The following PDLIM3 variants were observed in gnomAD, a reference collection of about 807,000 sequenced individuals.
PDLIM3 encodes the protein PDZ and LIM domain 3.
In PDLIM3, 36 loss-of-function variants were observed where a neutral mutation model predicts 37.3. That is an observed-to-expected ratio of 0.97 (90% CI 0.74 to 1.28). The LOEUF (loss-of-function observed/expected upper bound fraction) is 1.28, where lower values mean the gene tolerates loss of function less well. Ranked by LOEUF, PDLIM3 falls within the 50% of genes most tolerant of loss-of-function variation. PDLIM3 has a pLI of 0.00. For missense variants in PDLIM3, 454 were observed against 485.0 expected (o/e 0.94, Z 0.60); for synonymous variants, 174 against 182.4 (o/e 0.95, Z 0.37).
chr4:185,532,388 G>A (rs1319626969), intron 1 of PDLIM3, among the ~76,000 whole-genome samples: 1 of 152,198 alleles, frequency 6.6e-6, no homozygotes, highest in South Asian at 2.1e-4. Flanking sequence ...GTACAGGCAT[G>A]ACATAAGGAG....
intron 4 of PDLIM3, among the ~76,000 whole-genome samples, chr4:185,509,714 T>A (rs755664636): frequency 1.2e-4 from 19 of 152,218 alleles, no homozygotes; most frequent in Non-Finnish European, 2.6e-4. Context: ...AGAATGGATG[T>A]ATATGGTGTG....
chr4:185,502,712 T>G (rs1419261112), intron 7 of PDLIM3, among the ~76,000 whole-genome samples: 4 of 152,188 alleles, frequency 2.6e-5, no homozygotes, highest in Admixed American at 6.5e-5. Context: ...CGTGTGACTA[T>G]TTTTCAGATT....
At chr4:185,511,362 TTAC>T (rs1035583349) in intron 4 of PDLIM3, among the ~76,000 whole-genome samples, 1 of 91,370 alleles carries the variant, frequency 1.1e-5, no homozygotes, top group Non-Finnish European at 2.2e-5. Context: ...CATGTCCAAC[TTAC>T]TACTTTTTTT....
Position 185,502,291 on chromosome 4 carries a change from G to T in PDLIM3, c.*3C>A. 1 of 1,614,142 alleles carries T rather than the reference G, an allele frequency of 6.2e-7. No homozygotes were observed. ...CGTGCGTGCGTGCCACGCCTGCAGAGACTTAAGCTTTGGGATACAGAGTGA... is the reference window on the plus strand; with the variant it reads ...CGTGCGTGCGTGCCACGCCTGCAGATACTTAAGCTTTGGGATACAGAGTGA... On this transcript the variant is annotated 3_prime_UTR_variant, in exon 8 of 8. Transcript: ENST00000284767.
chr4:185,518,560 T>G (rs2095718204), intron 3 of PDLIM3, among the ~76,000 whole-genome samples: 1 of 152,134 alleles, frequency 6.6e-6, no homozygotes, highest in Non-Finnish European at 1.5e-5. Flanking sequence ...TGATCTTATA[T>G]TTGATCAAGG....
chr4:185,514,693 G>C lies in PDLIM3; in HGVS notation c.331-356C>G. 6.4e-7 allele frequency: 1 copy of C among 1,550,818 alleles called. No individual in the cohort carries two copies. Among genetic ancestry groups the C allele is most frequent in the Non-Finnish European group, 8.7e-7 (1 of 1,146,232 alleles). On this transcript the variant is annotated intron_variant, in intron 3 of 7. Transcript: ENST00000284767. This position sits in a 1 kb window ranked among gnomAD's most constrained non-coding sequence, Gnocchi z 4.0. ...GGTACACTGTGGCCAGAACAGAGCCGGATACTTACTTTTGAGGTGAGCTAG... is the reference window on the plus strand; with the variant it reads ...GGTACACTGTGGCCAGAACAGAGCCCGATACTTACTTTTGAGGTGAGCTAG...
At chr4:185,523,820 G>A (rs2095727569) in intron 2 of PDLIM3, among the ~76,000 whole-genome samples, 1 of 151,726 alleles carries the variant, frequency 6.6e-6, no homozygotes, top group Admixed American at 6.6e-5. Context: ...GGTTTCACCA[G>A]TTGGCCAGGC....
intron 3 of PDLIM3, chr4:185,515,059 C>A (rs1486562233): frequency 3.7e-6 from 2 of 542,212 alleles, no homozygotes; most frequent in East Asian, 5.9e-5. Flanking sequence ...TTTCTCTGAG[C>A]TTTACATGTG....
Position 185,513,306 on chromosome 4 carries a change from C to T in PDLIM3, c.398+964G>A, listed in dbSNP as rs148795449. ...ATTTTGAGACAATCACCTGGCTCTG[C>T]CTGTAGCTTCCTGAAAGGTCTGGAC... On this transcript the variant is annotated intron_variant, in intron 4 of 7. Coordinates refer to ENST00000284767, the MANE Select transcript of PDLIM3 (RefSeq NM_014476.6). 1.7e-4 allele frequency: 169 copies of T among 985,224 alleles called. No homozygotes were observed. The East Asian group carries it at 0.014, about 82-fold the overall frequency. The allele number at this position is 985,224 out of a possible 1,614,324, so 61.0% of individuals were successfully genotyped here. A position where few individuals can be genotyped will look rare whatever the true frequency, so the allele number is the denominator to read the frequency against.
chr4:185,513,067 G>A (rs1458174838), intron 4 of PDLIM3: 4 of 985,154 alleles, frequency 4.1e-6, no homozygotes, highest in African/African-American at 1.8e-5. Flanking sequence ...TTGTCTGTTT[G>A]TAGATGGTCG....
At chr4:185,527,683 T>C (rs528026479) in intron 1 of PDLIM3, among the ~76,000 whole-genome samples, 80 of 152,348 alleles carry the variant, frequency 5.3e-4, no homozygotes, top group African/African-American at 1.9e-3. Context: ...TCTTAAACTT[T>C]TAATTTTCTC....
At position 185,502,094 on chromosome 4, in the gene PDLIM3, G is replaced by T; in HGVS notation, c.*200C>A. On this transcript the variant is annotated 3_prime_UTR_variant, in exon 8 of 8. Transcript: ENST00000284767. ...GCCCCAAAAAGAGTTGCAAAACATAGCTAAGTGTATGTTTTTTTCACATAG... is the reference window on the plus strand; with the variant it reads ...GCCCCAAAAAGAGTTGCAAAACATATCTAAGTGTATGTTTTTTTCACATAG... The T allele has an allele frequency of 1.6e-6, 1 of 627,894 alleles. No individual in the cohort carries two copies. The highest frequency in any genetic ancestry group is 2.8e-6 in the Non-Finnish European group (1 of 353,008). 38.9% of individuals were successfully genotyped at this position (627,894 alleles called of 1,614,324 possible).
chr4:185,532,244 C>T (rs7664940), intron 1 of PDLIM3, among the ~76,000 whole-genome samples: 146,491 of 152,350 alleles, frequency 0.96, 70,562 homozygotes, highest in East Asian at 1. Flanking sequence ...TCATTCATAC[C>T]GTGTCTATAT....
intron 1 of PDLIM3, among the ~76,000 whole-genome samples, chr4:185,532,322 T>C (rs1216141560): frequency 6.6e-6 from 1 of 152,168 alleles, no homozygotes; most frequent in Non-Finnish European, 1.5e-5. Flanking sequence ...GATTAGAAGG[T>C]TTCTGCCTTC....
At position 185,514,607 on chromosome 4, in the gene PDLIM3, T is replaced by G; in HGVS notation, c.331-270A>C. ...AAATCTGATAGTGCCTTCAGGAAAG[T>G]AAAAATAAAACAGCAAGAGCTGGAC... is the stretch of plus-strand genomic sequence containing the variant. On this transcript the variant is annotated intron_variant, in intron 3 of 7. Coordinates refer to ENST00000284767, the MANE Select transcript of PDLIM3 (RefSeq NM_014476.6). The surrounding 1 kb of genome is among the most constrained non-coding windows in gnomAD (Gnocchi z 4.0). 1 of 1,342,042 alleles carries G rather than the reference T, an allele frequency of 7.5e-7. No individual in the cohort carries two copies. The highest frequency in any genetic ancestry group is 1.0e-6 in the Non-Finnish European group (1 of 994,072). The allele number at this position is 1,342,042 out of a possible 1,614,324, so 83.1% of individuals were successfully genotyped here.
chr4:185,502,892 C>T (rs1182946992), intron 7 of PDLIM3, among the ~76,000 whole-genome samples: 1 of 152,114 alleles, frequency 6.6e-6, no homozygotes, highest in African/African-American at 2.4e-5. Flanking sequence ...GATTGCTTTC[C>T]GTCTGCGTGG....
chr4:185,502,874 GTC>G (rs2095689455), intron 7 of PDLIM3, among the ~76,000 whole-genome samples: 1 of 152,198 alleles, frequency 6.6e-6, no homozygotes, highest in Non-Finnish European at 1.5e-5. Context: ...CCAATGAAGA[GTC>G]TCTCTGATTG....
chr4:185,509,633 AAAAG>A (rs2095703555), intron 4 of PDLIM3, among the ~76,000 whole-genome samples: 1 of 152,248 alleles, frequency 6.6e-6, no homozygotes, highest in East Asian at 1.9e-4. Context: ...AGACAAAGCA[AAAAG>A]AAATATTAGT....
At chr4:185,517,395 C>A in intron 3 of PDLIM3, 1 of 127,872 alleles carries the variant, frequency 7.8e-6, no homozygotes, top group African/African-American at 3.0e-5. Context: ...TAAGGCCTGC[C>A]TTAAAGTCTT....
Sources: gnomAD v4.1 joint callset for allele counts (sites outside exome capture counted in the v4.1 genomes callset) on GRCh38, gnomAD v4.1.1 for gene constraint, Gnocchi (gnomAD v3.1) non-coding constraint, MANE v1.5 for transcripts, NCBI Gene and HGNC (gene_info 2026-07-23, HGNC 2026-07-21) for gene names.